Variants in COL11A1 observed in about 807,000 individuals in gnomAD.
COL11A1 encodes the protein collagen type XI alpha 1 chain, also known as collagen alpha-1(XI) chain.
Under a neutral mutation model 265.2 loss-of-function variants are expected in COL11A1, and 74 were observed. The observed-to-expected ratio is 0.28, with a 90% CI of 0.23 to 0.34. The LOEUF is 0.34. Among genes scored for constraint, COL11A1 ranks in the 10% least tolerant of loss-of-function variants. COL11A1 has a pLI of 1.00. For synonymous variants in COL11A1, 816 were observed against 727.6 expected, an observed-to-expected ratio of 1.12 and a Z score of -1.96; for missense variants, 2,165 against 2,263.6, an observed-to-expected ratio of 0.96 and a Z score of 0.88.
At chr1:102,915,939 C>G (rs1655282810) in intron 49 of COL11A1, among the ~76,000 whole-genome samples, 1 of 152,216 alleles carries the variant, frequency 6.6e-6, no homozygotes, top group Non-Finnish European at 1.5e-5. Context: ...GCATATTAAT[C>G]CAGATTACCA....
chr1:103,102,471 C>G (rs1462666995), intron 1 of COL11A1, among the ~76,000 whole-genome samples: 1 of 152,012 alleles, frequency 6.6e-6, no homozygotes, highest in Non-Finnish European at 1.5e-5. Context: ...TTGGTTTCCT[C>G]TCACCACTCC....
chr1:103,106,608 T>G (rs1674711176), intron 1 of COL11A1, among the ~76,000 whole-genome samples: 1 of 152,184 alleles, frequency 6.6e-6, no homozygotes, highest in African/African-American at 2.4e-5. Flanking sequence ...TCAAAGACAC[T>G]CTTATCTATC....
intron 41 of COL11A1, among the ~76,000 whole-genome samples, chr1:102,954,813 C>T (rs1660210956): frequency 6.7e-6 from 1 of 150,048 alleles, no homozygotes; most frequent in Non-Finnish European, 1.5e-5. Context: ...CACTGCATTC[C>T]AGACTGGGCG....
At chr1:102,968,193 C>T (rs944766336) in intron 37 of COL11A1, among the ~76,000 whole-genome samples, 3 of 152,172 alleles carry the variant, frequency 2.0e-5, no homozygotes, top group African/African-American at 7.2e-5. Flanking sequence ...TTCAGAGTAG[C>T]TAGTCAAATT....
intron 4 of COL11A1, among the ~76,000 whole-genome samples, chr1:103,040,195 G>A (rs71664969): frequency 0.081 from 12,269 of 151,062 alleles, 559 homozygotes; most frequent in Middle Eastern, 0.16. Context: ...ACTTCATGTC[G>A]ACAATAGAAA....
At chr1:102,974,763 A>G in intron 36 of COL11A1, 67 bp downstream of exon 36, 1 of 1,170,284 alleles carries the variant, frequency 8.5e-7, no homozygotes, top group South Asian at 1.3e-5. Context: ...ATATAAATGT[A>G]AGCTGTGACT....
chr1:102,925,312 A>G (rs12134175), intron 46 of COL11A1, among the ~76,000 whole-genome samples: 17,050 of 151,998 alleles, frequency 0.11, 1,030 homozygotes, highest in African/African-American at 0.13. Flanking sequence ...TTACCTTATC[A>G]TGTTCTATTT....
chr1:102,879,590 A>G, intron 66 of COL11A1, 93 bp downstream of exon 66: 1 of 1,092,018 alleles, frequency 9.2e-7, no homozygotes, highest in Non-Finnish European at 1.4e-6. Flanking sequence ...ACTGACGTCC[A>G]TTTCATGAGA....
At position 103,108,327 on chromosome 1, in the gene COL11A1, A is replaced by G; in HGVS notation, c.-149T>C. On this transcript the variant is annotated 5_prime_UTR_variant, in exon 1 of 67. Coordinates refer to ENST00000370096, the MANE Select transcript of COL11A1 (RefSeq NM_001854.4). ...AAAAAGTCAAAGGGCTTTTTCTTCT[A>G]AATTTGATGGTTTGCGTTCTTCGTG... The G allele has an allele frequency of 4.3e-6, 3 of 704,542 alleles. No individual in the cohort carries two copies. Among genetic ancestry groups the G allele is most frequent in the Non-Finnish European group, 7.7e-6 (3 of 390,294 alleles). 43.6% of individuals were successfully genotyped at this position (704,542 alleles called of 1,614,324 possible). A position where few individuals can be genotyped will look rare whatever the true frequency, so the allele number is the denominator to read the frequency against.
At chr1:103,095,347 A>G (rs1673666997) in intron 1 of COL11A1, among the ~76,000 whole-genome samples, 1 of 152,046 alleles carries the variant, frequency 6.6e-6, no homozygotes, top group Non-Finnish European at 1.5e-5. Flanking sequence ...TATGAAAAAT[A>G]TTTGATTAGT....
At position 103,022,760 on chromosome 1, in the gene COL11A1, A is replaced by T. The variant is rs1416209211; in HGVS notation, c.1227T>A (p.Thr409=). The change falls in exon 8 of 67, where the codon ACT becomes ACA. Residue 409 remains threonine (T), a synonymous_variant. Transcript: ENST00000370096. Reference sequence around the variant, plus strand: ...AACTTACGCTTGTTTCTGTAATATCAGTTTCTGCTGGTACACCTGGACCAA... The same window carrying T: ...AACTTACGCTTGTTTCTGTAATATCTGTTTCTGCTGGTACACCTGGACCAA... ...EEFGPGVPAE[T]DITETSINGH... is the part of the protein sequence containing the mutation. 1 of 1,613,534 alleles carries T rather than the reference A, an allele frequency of 6.2e-7. No homozygotes were observed. The highest frequency in any genetic ancestry group is 1.3e-5 in the African/African-American group (1 of 74,930).
In COL11A1 at chr1:102,965,582, C is replaced by T. The variant is rs373898164; in HGVS notation, c.2863-42G>A. ...TTATTTGTAAAAGCTACATACAACA[C>T]AAAGCATAAATCAAAATTCTATGAG... On this transcript the variant is annotated intron_variant, in intron 37 of 66. Coordinates refer to ENST00000370096, the MANE Select transcript of COL11A1 (RefSeq NM_001854.4). 4.8e-5 allele frequency: 74 copies of T among 1,544,954 alleles called. 1 individual carries two copies. The African/African-American group carries it at 9.5e-4, about 20-fold the overall frequency.
chr1:102,940,714 T>C (rs1223228780), intron 42 of COL11A1, among the ~76,000 whole-genome samples: 2 of 152,294 alleles, frequency 1.3e-5, no homozygotes, highest in Middle Eastern at 3.4e-3. Flanking sequence ...AAATCAGATT[T>C]CTTACATTTG....
chr1:102,891,063 T>C (rs887849956), intron 57 of COL11A1, among the ~76,000 whole-genome samples: 7 of 152,078 alleles, frequency 4.6e-5, no homozygotes, highest in African/African-American at 1.7e-4. Flanking sequence ...ATAATTCCTA[T>C]ATATACTAAA....
At chr1:103,064,767 A>T (rs12733029) in intron 4 of COL11A1, among the ~76,000 whole-genome samples, 30,806 of 150,168 alleles carry the variant, frequency 0.21, 3,334 homozygotes, top group Middle Eastern at 0.25. Context: ...AAGGGGCTAA[A>T]CTGAAAAGGC....
chr1:103,071,921 A>G (rs1571214210), intron 4 of COL11A1, among the ~76,000 whole-genome samples: 1 of 151,140 alleles, frequency 6.6e-6, no homozygotes, highest in African/African-American at 2.4e-5. Flanking sequence ...GACTGTACAT[A>G]CATCAGCTCA....
chr1:103,049,803 A>C (rs967535887), intron 4 of COL11A1, among the ~76,000 whole-genome samples: 1 of 152,168 alleles, frequency 6.6e-6, no homozygotes, highest in African/African-American at 2.4e-5. Context: ...TGGTGGTGAC[A>C]AAATCTCTCA....
At chr1:102,895,331 T>C (rs1196802629) in intron 57 of COL11A1, among the ~76,000 whole-genome samples, 1 of 152,194 alleles carries the variant, frequency 6.6e-6, no homozygotes, top group African/African-American at 2.4e-5. Context: ...TAGCTGCCAA[T>C]CTGGAGAGAT....
At chr1:103,010,894 T>C (rs757485103) in intron 14 of COL11A1, among the ~76,000 whole-genome samples, 45 of 152,072 alleles carry the variant, frequency 3.0e-4, no homozygotes, top group Non-Finnish European at 4.6e-4. Context: ...GAAACGGGGT[T>C]TCTCCATGTT....
Sources: gnomAD v4.1 joint callset for allele counts (sites outside exome capture counted in the v4.1 genomes callset) on GRCh38, gnomAD v4.1.1 for gene constraint, MANE v1.5 for transcripts, NCBI Gene and HGNC (gene_info 2026-07-23, HGNC 2026-07-21) for gene names.